The following MMP17 variants were observed in gnomAD, a reference collection of about 807,000 sequenced individuals.
MMP17 encodes matrix metallopeptidase 17.
In MMP17, 54 loss-of-function variants were observed where a neutral mutation model predicts 49.1. The observed-to-expected ratio is 1.10, with a 90% CI of 0.88 to 1.38. The LOEUF is 1.38. Among genes scored for constraint, MMP17 ranks in the 40% most tolerant of loss-of-function variants. MMP17 has a pLI of 0.00. For synonymous variants in MMP17, 397 were observed against 383.1 expected, an observed-to-expected ratio of 1.04 and a Z score of -0.42; for missense variants, 837 against 853.7, an observed-to-expected ratio of 0.98 and a Z score of 0.24.
chr12:131,847,228 C>T (rs11246853), intron 8 of MMP17, among the ~76,000 whole-genome samples: 82,222 of 151,588 alleles, frequency 0.54, 23,738 homozygotes, highest in African/African-American at 0.75. Flanking sequence ...CTGGTTAACA[C>T]GGTGAAACCC....
Position 131,844,077 on chromosome 12 carries a change from G to T in MMP17, c.964G>T (p.Ala322Ser). The change falls in exon 6 of 10, where the codon GCC becomes TCC. Residue 322 changes from alanine (A) to serine (S), a missense_variant. By Grantham distance (99) the Ala-to-Ser change is moderately conservative (BLOSUM62 1). Transcript: ENST00000360564. ...LPEPPDNRSS[A>S]PPRKDVPHRC... is the part of the protein sequence containing the mutation. ...GGAGCCCCCAGACAACCGGTCCAGC[G>T]CCCCGTAAGCCCTGGGCCCACGGTC... The T allele has an allele frequency of 6.4e-7, 1 of 1,556,214 alleles. No homozygotes were observed.
At chr12:131,831,735 GC>G (rs1346875249) in intron 1 of MMP17, among the ~76,000 whole-genome samples, 1 of 145,026 alleles carries the variant, frequency 6.9e-6, no homozygotes, top group Non-Finnish European at 1.5e-5. Flanking sequence ...CTCCCTGTCT[GC>G]GCAATGGGGC....
intron 6 of MMP17, 37 bp from the exon 7 acceptor site, chr12:131,845,081 G>T (rs371613979): frequency 1.2e-6 from 2 of 1,608,320 alleles, no homozygotes; most frequent in Non-Finnish European, 1.7e-6. Flanking sequence ...CGCTGCCCAG[G>T]CCCCGCCTCC....
chr12:131,838,047 T>C (rs1359105858), intron 1 of MMP17, 148 bp from the exon 2 acceptor site: 6 of 1,013,192 alleles, frequency 5.9e-6, no homozygotes, highest in African/African-American at 1.6e-5. Flanking sequence ...TTCCGGCAGC[T>C]GCCCAGGGAA....
intron 8 of MMP17, among the ~76,000 whole-genome samples, chr12:131,847,453 TAAAAAAG>T (rs1053465578): frequency 1.3e-5 from 2 of 149,566 alleles, no homozygotes; most frequent in Non-Finnish European, 3.0e-5. Context: ...GTACCTGGAC[TAAAAAAG>T]AAAAAAGAAA....
intron 1 of MMP17, among the ~76,000 whole-genome samples, chr12:131,832,787 G>A (rs61943906): frequency 0.049 from 7,422 of 152,072 alleles, 249 homozygotes; most frequent in Middle Eastern, 0.16. Context: ...GGCTCCACGC[G>A]ATCTGGCCCA....
chr12:131,843,533 C>T (rs1887534914), intron 5 of MMP17, among the ~76,000 whole-genome samples: 1 of 152,198 alleles, frequency 6.6e-6, no homozygotes, highest in Non-Finnish European at 1.5e-5. Flanking sequence ...AGGCACGAAC[C>T]ACTGTGCCCG....
intron 6 of MMP17, 164 bp downstream of exon 6, chr12:131,844,245 A>C (rs900496680): frequency 3.2e-6 from 2 of 630,878 alleles, no homozygotes; most frequent in African/African-American, 3.8e-5. Context: ...ACCCCATCTA[A>C]TACCGGCCCT....
intron 3 of MMP17, among the ~76,000 whole-genome samples, chr12:131,839,840 C>T (rs1174355298): frequency 2.0e-5 from 3 of 147,660 alleles, no homozygotes; most frequent in Non-Finnish European, 3.0e-5. Context: ...CCCTGCTATT[C>T]GGGAGGCTGA....
At chr12:131,847,276 G>A (rs904482216) in intron 8 of MMP17, among the ~76,000 whole-genome samples, 2 of 151,880 alleles carry the variant, frequency 1.3e-5, no homozygotes. Context: ...TGCCGGGCGT[G>A]GTGGCGGGCA....
rs780329819 is a variant in MMP17, at chr12:131,850,942, C to T, written c.1480C>T (p.Arg494Cys). The T allele has an allele frequency of 2.9e-5, 43 of 1,484,652 alleles. No homozygotes were observed. In the East Asian group the frequency reaches 6.7e-4, roughly 23 times the overall value. The allele number at this position is 1,484,652 out of a possible 1,614,324, so 92.0% of individuals were successfully genotyped here. ...RWSDGASYFF[R>C]GQEYWKVLDG... ...CTTCTCAGGTGCCTCCTACTTCTTCCGTGGCCAGGAGTACTGGAAAGTGCT... is the reference window on the plus strand; with the variant it reads ...CTTCTCAGGTGCCTCCTACTTCTTCTGTGGCCAGGAGTACTGGAAAGTGCT... Residue 494 changes from arginine to cysteine, a missense_variant, in exon 10 of 10, where the codon CGT (arginine) becomes TGT (cysteine). Coordinates refer to ENST00000360564, the MANE Select transcript of MMP17 (RefSeq NM_016155.7).
chr12:131,838,538 C>G (rs1887203213), intron 2 of MMP17, 74 bp from the exon 3 acceptor site: 1 of 1,534,908 alleles, frequency 6.5e-7, no homozygotes, highest in East Asian at 2.3e-5. Context: ...AGGGCTCCCA[C>G]CCTTGCGGAT....
At chr12:131,847,330 G>A (rs868383918) in intron 8 of MMP17, among the ~76,000 whole-genome samples, 21 of 150,090 alleles carry the variant, frequency 1.4e-4, no homozygotes, top group African/African-American at 4.5e-4. Context: ...GGAGAATGGC[G>A]TGAACCTGGG....
rs1164443629 is a variant in MMP17, at chr12:131,838,508, C to T, written c.293-104C>T. 8 of 1,480,354 alleles carry T rather than the reference C, an allele frequency of 5.4e-6. No homozygotes were observed. The East Asian group carries it at 9.6e-5, about 18-fold the overall frequency. 91.7% of individuals were successfully genotyped at this position (1,480,354 alleles called of 1,614,324 possible). On this transcript the variant is annotated intron_variant, in intron 2 of 9. Transcript: ENST00000360564. ...GATGACGTGGGAGGAGGGGGCGGCTCGGAGGCTGGTGCCAGAGTCAGGGCT... is the reference window on the plus strand; with the variant it reads ...GATGACGTGGGAGGAGGGGGCGGCTTGGAGGCTGGTGCCAGAGTCAGGGCT...
intron 8 of MMP17, among the ~76,000 whole-genome samples, chr12:131,847,554 C>T (rs1176884258): frequency 6.6e-6 from 1 of 152,256 alleles, no homozygotes; most frequent in Non-Finnish European, 1.5e-5. Flanking sequence ...TGTAGAGCCT[C>T]CCCGAGCAGG....
At position 131,841,807 on chromosome 12, in the gene MMP17, G is replaced by T; in HGVS notation, c.883+7G>T. The T allele has an allele frequency of 6.4e-7, 1 of 1,572,816 alleles. No individual in the cohort carries two copies. Among genetic ancestry groups the T allele is most frequent in the Non-Finnish European group, 8.6e-7 (1 of 1,161,654 alleles). ...CGCGTCTGGCAGCTGTACGGTGAGT[G>T]TCTCCCCGAAGCCAGACACAGGGCC... On this transcript the variant is annotated splice_region_variant and intron_variant, in intron 5 of 9. Transcript: ENST00000360564.
intron 1 of MMP17, among the ~76,000 whole-genome samples, chr12:131,831,764 C>T (rs916122228): frequency 3.8e-5 from 5 of 130,504 alleles, no homozygotes; most frequent in East Asian, 2.4e-4. Flanking sequence ...GACAGGCTGC[C>T]GTGCGATCAG....
At position 131,828,394 on chromosome 12, in the gene MMP17, G is replaced by A. The variant is rs1886613145; in HGVS notation, c.-101G>A. 1.4e-6 allele frequency: 1 copy of A among 698,394 alleles called. No homozygotes were observed. Among genetic ancestry groups the A allele is most frequent in the Non-Finnish European group, 1.8e-6 (1 of 567,644 alleles). 43.3% of individuals were successfully genotyped at this position (698,394 alleles called of 1,614,324 possible). ...GCTTGAGGCTGCCGCGCGGGGCTCA[G>A]TCCGGCGGGGGCGCCGCGGAGAGCG... On this transcript the variant is annotated 5_prime_UTR_variant, in exon 1 of 10. Coordinates refer to ENST00000360564, the MANE Select transcript of MMP17 (RefSeq NM_016155.7).
At chr12:131,832,847 C>T (rs1194456171) in intron 1 of MMP17, among the ~76,000 whole-genome samples, 1 of 152,220 alleles carries the variant, frequency 6.6e-6, no homozygotes, top group Non-Finnish European at 1.5e-5. Context: ...CTCCTCTGCG[C>T]TGTGTGTTTT....
Sources: allele counts gnomAD v4.1 joint callset (sites outside exome capture counted in the v4.1 genomes callset), GRCh38; gene constraint gnomAD v4.1.1; transcripts MANE v1.5; gene names NCBI Gene and HGNC (gene_info 2026-07-23, HGNC 2026-07-21).